Variants in LHFPL3 observed in about 807,000 individuals in gnomAD.
The protein encoded by LHFPL3 is LHFPL tetraspan subfamily member 3 protein.
A neutral mutation model predicts 19.3 loss-of-function variants in LHFPL3; 5 were observed. The observed-to-expected ratio is 0.26, with a 90% CI of 0.14 to 0.54. The LOEUF is 0.54. Ranked by LOEUF, LHFPL3 falls within the 20% of genes least tolerant of loss-of-function variation. The pLI is 0.94. For missense variants in LHFPL3, 249 were observed against 307.4 expected, an observed-to-expected ratio of 0.81 and a Z score of 1.42; for synonymous variants, 133 against 126.2, an observed-to-expected ratio of 1.05 and a Z score of -0.36.
chr7:104,505,821 G>T (rs1372448308), intron 1 of LHFPL3, among the ~76,000 whole-genome samples: 1 of 152,144 alleles, frequency 6.6e-6, no homozygotes, highest in Non-Finnish European at 1.5e-5. Context: ...GTAGATTAAT[G>T]AGAAGTATTT....
chr7:104,776,979 G>C (rs889751977), intron 2 of LHFPL3, among the ~76,000 whole-genome samples: 1 of 152,186 alleles, frequency 6.6e-6, no homozygotes, highest in African/African-American at 2.4e-5. Context: ...CCTGAGACCA[G>C]CTCACTCAAA....
At chr7:104,594,244 T>A (rs901494219) in intron 1 of LHFPL3, among the ~76,000 whole-genome samples, 4 of 152,186 alleles carry the variant, frequency 2.6e-5, no homozygotes, top group Non-Finnish European at 5.9e-5. Context: ...GTGACAAAAA[T>A]CTCTCAGCAT....
chr7:104,822,912 G>A (rs922119385), intron 2 of LHFPL3, among the ~76,000 whole-genome samples: 5 of 152,248 alleles, frequency 3.3e-5, no homozygotes, highest in East Asian at 3.9e-4. Flanking sequence ...CAAGAAGTGC[G>A]AGTTTAGTGT....
chr7:104,750,797 C>A (rs1030933023), intron 2 of LHFPL3, among the ~76,000 whole-genome samples: 2 of 152,150 alleles, frequency 1.3e-5, no homozygotes, highest in Non-Finnish European at 2.9e-5. Context: ...GAACAAATGG[C>A]TGAATTGGGA....
intron 2 of LHFPL3, among the ~76,000 whole-genome samples, chr7:104,848,350 G>A (rs1243915996): frequency 1.3e-5 from 2 of 152,092 alleles, no homozygotes; most frequent in Non-Finnish European, 2.9e-5. Flanking sequence ...CTGTGACAAC[G>A]GTAGCACTGT....
chr7:104,352,671 G>A (rs555600016), intron 1 of LHFPL3, among the ~76,000 whole-genome samples: 4 of 152,290 alleles, frequency 2.6e-5, no homozygotes, highest in East Asian at 1.9e-4. Context: ...TGTTTACCAC[G>A]AGCATTTTGT....
chr7:104,812,982 T>A (rs115550279), intron 2 of LHFPL3, among the ~76,000 whole-genome samples: 2,854 of 151,550 alleles, frequency 0.019, 41 homozygotes, highest in African/African-American at 0.027. Context: ...ATGTGGTGGC[T>A]CACACCTGTA....
chr7:104,670,925 C>A (rs1792468836), intron 1 of LHFPL3, among the ~76,000 whole-genome samples: 1 of 150,482 alleles, frequency 6.6e-6, no homozygotes, highest in Admixed American at 6.7e-5. Flanking sequence ...AACTATTTAA[C>A]AAGGTCCTGG....
At chr7:104,353,919 C>G (rs1369367429) in intron 1 of LHFPL3, among the ~76,000 whole-genome samples, 1 of 152,160 alleles carries the variant, frequency 6.6e-6, no homozygotes, top group African/African-American at 2.4e-5. Context: ...TTCCATGTCT[C>G]TCTATTCCTT....
intron 1 of LHFPL3, among the ~76,000 whole-genome samples, chr7:104,487,313 T>C (rs1793254182): frequency 6.6e-6 from 1 of 152,314 alleles, no homozygotes; most frequent in South Asian, 2.1e-4. Context: ...ATACATACAG[T>C]TAAGAAAAAT....
chr7:104,847,451 T>C (rs1440478125), intron 2 of LHFPL3, among the ~76,000 whole-genome samples: 3 of 152,228 alleles, frequency 2.0e-5, no homozygotes, highest in Non-Finnish European at 4.4e-5. Context: ...TAACCAAATA[T>C]GCAATGTCGT....
At chr7:104,556,845 C>T (rs1789845792) in intron 1 of LHFPL3, among the ~76,000 whole-genome samples, 1 of 152,184 alleles carries the variant, frequency 6.6e-6, no homozygotes, top group Non-Finnish European at 1.5e-5. Context: ...CTCTTGAATG[C>T]TTTGCTGCTT....
rs1407654505 is a variant in LHFPL3 at position 104,906,204 on chromosome 7, T to C, written c.700T>C (p.Ser234Pro). The change falls in exon 3 of 3, where the codon TCT becomes CCT. Residue 234 changes from serine to proline, a missense_variant. Coordinates refer to ENST00000424859, the MANE Select transcript of LHFPL3 (RefSeq NM_199000.3). ...TTCTGCAGTTCTGCTAAGCCAATATTCTCTAGAATGAGCACAAAACAAATC... is the reference window on the plus strand; with the variant it reads ...TTCTGCAGTTCTGCTAAGCCAATATCCTCTAGAATGAGCACAAAACAAATC... ...AENKVLLSQYSLE is the reference protein window; with the variant it reads ...AENKVLLSQYPLE 1 of 1,610,352 alleles carries C rather than the reference T, an allele frequency of 6.2e-7. No individual in the cohort carries two copies. Among genetic ancestry groups the C allele is most frequent in the Admixed American group, 1.7e-5 (1 of 59,666 alleles).
intron 1 of LHFPL3, among the ~76,000 whole-genome samples, chr7:104,337,305 G>A (rs73421532): frequency 0.043 from 6,605 of 152,094 alleles, 447 homozygotes; most frequent in African/African-American, 0.15. Context: ...GAAATTCAGG[G>A]TTGGAAAGCC....
intron 2 of LHFPL3, among the ~76,000 whole-genome samples, chr7:104,827,580 T>A (rs1302972249): frequency 6.6e-6 from 1 of 151,812 alleles, no homozygotes; most frequent in Non-Finnish European, 1.5e-5. Context: ...TGTTCAGTAT[T>A]TAAACACTGT....
At chr7:104,786,520 A>G (rs548160625) in intron 2 of LHFPL3, 1 of 152,160 alleles carries the variant, frequency 6.6e-6, no homozygotes, top group African/African-American at 2.4e-5. Context: ...CTACTTACCC[A>G]TGCATTCTCA....
intron 1 of LHFPL3, among the ~76,000 whole-genome samples, chr7:104,618,932 C>T (rs1345162940): frequency 2.0e-5 from 3 of 152,128 alleles, no homozygotes; most frequent in Admixed American, 1.3e-4. Context: ...TCCTGGAATG[C>T]GGGGCAGCAG....
chr7:104,827,005 G>T (rs1469433015), intron 2 of LHFPL3, among the ~76,000 whole-genome samples: 2 of 151,846 alleles, frequency 1.3e-5, no homozygotes, highest in Admixed American at 1.3e-4. Flanking sequence ...TTAAAGTTAG[G>T]CTAAATAATC....
chr7:104,691,782 A>C (rs1792909901), intron 1 of LHFPL3, among the ~76,000 whole-genome samples: 1 of 152,230 alleles, frequency 6.6e-6, no homozygotes, highest in Non-Finnish European at 1.5e-5. Context: ...CAGTGGTTGG[A>C]AGAGTTTGGA....
Sources: gnomAD v4.1 joint callset for allele counts (sites outside exome capture counted in the v4.1 genomes callset) on GRCh38, gnomAD v4.1.1 for gene constraint, MANE v1.5 for transcripts, NCBI Gene and HGNC (gene_info 2026-07-23, HGNC 2026-07-21) for gene names.